CCDC7: variants seen among roughly 807,000 people sequenced by gnomAD.
CCDC7 encodes coiled-coil domain containing 7.
Under a neutral mutation model 196.9 loss-of-function variants are expected in CCDC7, and 183 were observed. That is an observed-to-expected ratio of 0.93 (90% confidence interval 0.82 to 1.05). The LOEUF is 1.05. Among genes scored for constraint, CCDC7 ranks in the 50% least tolerant of loss-of-function variants. The pLI is 0.00. For synonymous variants in CCDC7, 525 were observed against 484.6 expected, an observed-to-expected ratio of 1.08 and a Z score of -1.10; for missense variants, 1,540 against 1,482.2, an observed-to-expected ratio of 1.04 and a Z score of -0.64.
intron 25 of CCDC7, among the ~76,000 whole-genome samples, chr10:32,712,463 A>G (rs1247722054): frequency 1.8e-4 from 27 of 152,166 alleles, no homozygotes; most frequent in Admixed American, 1.8e-3. Flanking sequence ...TACATGCTGC[A>G]CGTGGGTGAA....
chr10:32,638,043 G>A (rs1006354711), intron 20 of CCDC7, among the ~76,000 whole-genome samples: 4 of 152,068 alleles, frequency 2.6e-5, no homozygotes, highest in Non-Finnish European at 5.9e-5. Context: ...TCTGTTATTG[G>A]TGTATGAGAA....
intron 26 of CCDC7, among the ~76,000 whole-genome samples, chr10:32,727,452 G>C (rs6481806): frequency 0.92 from 140,516 of 152,136 alleles, 65,882 homozygotes; most frequent in East Asian, 1. Context: ...TTGAGAGGAC[G>C]AAAAGATAGG....
At chr10:32,451,703 A>G (rs1166928951) in exon 1 of CCDC7, 12 of 1,613,790 alleles carry the variant, frequency 7.4e-6, no homozygotes, top group Non-Finnish European at 6.8e-6. Context: ...TCCAGCATTA[A>G]CTACTAAAAA....
In CCDC7 at chr10:32,625,373, T is replaced by C. The variant is rs544643243; in HGVS notation, c.1802-8881T>C. On this transcript the variant is annotated intron_variant, in intron 18 of 41. Coordinates refer to ENST00000639629, the Ensembl canonical transcript of CCDC7. ...ATTTGTTTGACCTATGTGTCTGTTT[T>C]ATTATTATTATTTTTATTTTATGTG... Among the ~76,000 whole-genome samples, 315 of 151,898 alleles carry C rather than the reference T, an allele frequency of 2.1e-3. 2 individuals carry two copies. Among genetic ancestry groups the C allele is most frequent in the Middle Eastern group, 0.014 (4 of 294 alleles).
intron 25 of CCDC7, among the ~76,000 whole-genome samples, chr10:32,718,001 G>C (rs757437481): frequency 2.6e-5 from 4 of 151,622 alleles, no homozygotes; most frequent in Non-Finnish European, 4.4e-5. Flanking sequence ...CCAAACAATA[G>C]AGAAAGAGGG....
intron 20 of CCDC7, among the ~76,000 whole-genome samples, chr10:32,638,668 C>G (rs2066125437): frequency 6.6e-6 from 1 of 152,196 alleles, no homozygotes; most frequent in Non-Finnish European, 1.5e-5. Context: ...TGATGTTCAT[C>G]AAGGATATTG....
At chr10:32,671,956 ATTTC>A in intron 21 of CCDC7, among the ~76,000 whole-genome samples, 1 of 152,096 alleles carries the variant, frequency 6.6e-6, no homozygotes, top group Non-Finnish European at 1.5e-5. Context: ...AGTTCTTCTG[ATTTC>A]TTTTTCTCTC....
intron 24 of CCDC7, among the ~76,000 whole-genome samples, chr10:32,703,026 A>G (rs904882997): frequency 6.6e-6 from 1 of 152,140 alleles, no homozygotes; most frequent in Non-Finnish European, 1.5e-5. Context: ...TTTAAGGTTA[A>G]TATTGTTATG....
At chr10:32,818,432 G>T (rs1186637341) in intron 31 of CCDC7, among the ~76,000 whole-genome samples, 4 of 152,084 alleles carry the variant, frequency 2.6e-5, no homozygotes, top group Non-Finnish European at 5.9e-5. Context: ...AGATCAACGA[G>T]ACAGAAAGTT....
At chr10:32,809,304 G>A (rs2086552827) in intron 30 of CCDC7, among the ~76,000 whole-genome samples, 1 of 151,912 alleles carries the variant, frequency 6.6e-6, no homozygotes, top group Admixed American at 6.6e-5. Flanking sequence ...TGAGGTAGAA[G>A]AGAACACAGA....
At chr10:32,729,606 T>C in intron 28 of CCDC7, 149 bp downstream of exon 29, 1 of 408,434 alleles carries the variant, frequency 2.4e-6, no homozygotes, top group South Asian at 6.1e-5. Flanking sequence ...CTTGTTTCTT[T>C]TATAATTACT....
chr10:32,813,125 G>A lies in CCDC7; in HGVS notation c.3098-1245G>A, dbSNP rs140463534. Among the ~76,000 whole-genome samples the A allele has an allele frequency of 6.6e-5, 10 of 151,910 alleles. No individual in the cohort carries two copies. In the East Asian group the frequency reaches 1.5e-3, roughly 24 times the overall value. ...ACAACAACAACAACAACAACAAACC[G>A]CTCTACAATACAATGGAAGGATTAT... On this transcript the variant is annotated intron_variant, in intron 30 of 41. Transcript: ENST00000639629.
chr10:32,525,682 T>C (rs2048555987), intron 11 of CCDC7, among the ~76,000 whole-genome samples: 1 of 152,226 alleles, frequency 6.6e-6, no homozygotes, highest in African/African-American at 2.4e-5. Context: ...TGTTTGTGTC[T>C]GTCCTTCTTG....
intron 30 of CCDC7, among the ~76,000 whole-genome samples, chr10:32,811,404 T>C (rs1006216664): frequency 2.0e-5 from 3 of 151,976 alleles, no homozygotes; most frequent in Admixed American, 6.6e-5. Flanking sequence ...CTAGAGGAAA[T>C]TGATAGATTT....
At chr10:32,660,295 TC>T (rs1246578482) in intron 20 of CCDC7, among the ~76,000 whole-genome samples, 1 of 129,806 alleles carries the variant, frequency 7.7e-6, no homozygotes, top group East Asian at 2.3e-4. Flanking sequence ...CCCACAACAG[TC>T]CCCAGAGTGT....
Position 32,707,739 on chromosome 10 carries a change from A to T in CCDC7, c.2459-3881A>T, listed in dbSNP as rs1157793830. ...ATTCACAATTGCTTCAAAGAGAATAAAACACCTGGGAATCCAACTTACAAG... is the reference window on the plus strand; with the variant it reads ...ATTCACAATTGCTTCAAAGAGAATATAACACCTGGGAATCCAACTTACAAG... On this transcript the variant is annotated intron_variant, in intron 24 of 41. Transcript: ENST00000639629. Among the ~76,000 whole-genome samples the T allele has an allele frequency of 2.0e-5, 3 of 152,306 alleles. No individual in the cohort carries two copies. The East Asian group carries it at 5.8e-4, about 29-fold the overall frequency.
At chr10:32,611,509 G>T (rs945028647) in intron 18 of CCDC7, among the ~76,000 whole-genome samples, 1 of 152,162 alleles carries the variant, frequency 6.6e-6, no homozygotes, top group Non-Finnish European at 1.5e-5. Context: ...CCTATGTCCT[G>T]AATGGTATTG....
At chr10:32,494,577 G>C (rs1403982883) in intron 9 of CCDC7, among the ~76,000 whole-genome samples, 1 of 152,136 alleles carries the variant, frequency 6.6e-6, no homozygotes, top group Non-Finnish European at 1.5e-5. Flanking sequence ...CCTGGTGTGT[G>C]ATGTTCCCCT....
chr10:32,639,155 C>T (rs565572044), intron 20 of CCDC7, among the ~76,000 whole-genome samples: 1 of 152,078 alleles, frequency 6.6e-6, no homozygotes, highest in Non-Finnish European at 1.5e-5. Flanking sequence ...AGCGGTCTAT[C>T]AATTTTGTTG....
Sources: allele counts gnomAD v4.1 joint callset (sites outside exome capture counted in the v4.1 genomes callset), GRCh38; gene constraint gnomAD v4.1.1; transcripts MANE v1.5; gene names NCBI Gene and HGNC (gene_info 2026-07-23, HGNC 2026-07-21).